Variants in CASZ1 observed in about 807,000 individuals in gnomAD.
The protein encoded by CASZ1 is zinc finger protein castor homolog 1.
A neutral mutation model predicts 135.2 loss-of-function variants in CASZ1; 28 were observed. The observed-to-expected ratio is 0.21, with a 90% confidence interval of 0.15 to 0.28. The LOEUF is 0.28. Among genes scored for constraint, CASZ1 ranks in the 10% least tolerant of loss-of-function variants. The pLI is 1.00. For synonymous variants in CASZ1, 1,068 were observed against 1,073.4 expected, an observed-to-expected ratio of 0.99 and a Z score of 0.10; for missense variants, 2,161 against 2,453.3, an observed-to-expected ratio of 0.88 and a Z score of 2.52.
rs114842270 is a variant in CASZ1, at chr1:10,773,898, G to A, written c.-233-13041C>T. Among the ~76,000 whole-genome samples, 1,050 of 152,354 alleles carry A rather than the reference G, an allele frequency of 6.9e-3. 7 individuals carry two copies. The highest frequency in any genetic ancestry group is 0.024 in the African/African-American group (1,000 of 41,580). Reference sequence around the variant, plus strand: ...GCCGCAGGGTGGGAGCAGCCCTGTCGCTGCTCAGAGGGGCCTCACCTCTCC... The same window carrying A: ...GCCGCAGGGTGGGAGCAGCCCTGTCACTGCTCAGAGGGGCCTCACCTCTCC... On this transcript the variant is annotated intron_variant, in intron 1 of 20. Transcript: ENST00000377022.
rs933489888 is a variant in CASZ1, at chr1:10,774,890, C to T, written c.-233-14033G>A. Among the ~76,000 whole-genome samples, 1 of 152,172 alleles carries T rather than the reference C, an allele frequency of 6.6e-6. No homozygotes were observed. Among genetic ancestry groups the T allele is most frequent in the Non-Finnish European group, 1.5e-5 (1 of 68,028 alleles). Reference sequence around the variant, plus strand: ...CGTGTCTCCTGCAACCATCTCTGTTCCAGCTTCTCTTCCAGACTCCTCCAG... The same window carrying T: ...CGTGTCTCCTGCAACCATCTCTGTTTCAGCTTCTCTTCCAGACTCCTCCAG... On this transcript the variant is annotated intron_variant, in intron 1 of 20. Transcript: ENST00000377022. The surrounding 1 kb of genome is among the most constrained non-coding windows in gnomAD (Gnocchi z 4.4).
At chr1:10,783,888 A>AAC (rs1640808531) in intron 1 of CASZ1, among the ~76,000 whole-genome samples, 2 of 151,694 alleles carry the variant, frequency 1.3e-5, no homozygotes, top group East Asian at 3.9e-4. Flanking sequence ...AAAAAAAAAA[A>AAC]AAAAACCTAC....
At chr1:10,714,838 C>T (rs1639348728) in intron 2 of CASZ1, among the ~76,000 whole-genome samples, 1 of 152,208 alleles carries the variant, frequency 6.6e-6, no homozygotes, top group Admixed American at 6.5e-5. Flanking sequence ...CCCTCTGCCC[C>T]TTCCCTGGCC....
chr1:10,694,882 G>A lies in CASZ1; in HGVS notation c.-23-970C>T, dbSNP rs1487394728. Among the ~76,000 whole-genome samples, 3 of 143,598 alleles carry A rather than the reference G, an allele frequency of 2.1e-5. No homozygotes were observed. Among genetic ancestry groups the A allele is most frequent in the Admixed American group, 6.9e-5 (1 of 14,598 alleles). 94.2% of individuals were successfully genotyped at this position (143,598 alleles called of 152,430 possible). On this transcript the variant is annotated intron_variant, in intron 3 of 20. Transcript: ENST00000377022. The surrounding 1 kb of genome is among the most constrained non-coding windows in gnomAD (Gnocchi z 6.6). Reference sequence around the variant, plus strand: ...CGCCCGCGGGCACGCGCCCACTCTTGCCGGCCGCCGGCGGCCGCGCGCGCG... The same window carrying A: ...CGCCCGCGGGCACGCGCCCACTCTTACCGGCCGCCGGCGGCCGCGCGCGCG...
intron 1 of CASZ1, among the ~76,000 whole-genome samples, chr1:10,781,776 G>GTCATTTCATCTAATCCTCACAGCAA (rs1640766756): frequency 6.6e-6 from 1 of 152,152 alleles, no homozygotes; most frequent in Non-Finnish European, 1.5e-5. Flanking sequence ...CCCTTCCAGC[G>GTCATTTCATCTAATCCTCACAGCAA]TCATTTCATC....
chr1:10,724,700 G>C lies in CASZ1; in HGVS notation c.-76-19156C>G, dbSNP rs1410761554. Among the ~76,000 whole-genome samples, 2 of 152,344 alleles carry C rather than the reference G, an allele frequency of 1.3e-5. No homozygotes were observed. The highest frequency in any genetic ancestry group is 3.9e-4 in the East Asian group (2 of 5,172). Reference sequence around the variant, plus strand: ...CAAGGTTGCCCCTGGTCTTCGCTCAGAGGGGCACCCCAAGGGCACTGCCCA... The same window carrying C: ...CAAGGTTGCCCCTGGTCTTCGCTCACAGGGGCACCCCAAGGGCACTGCCCA... On this transcript the variant is annotated intron_variant, in intron 2 of 20. Coordinates refer to ENST00000377022, the MANE Select transcript of CASZ1 (RefSeq NM_001079843.3). The surrounding 1 kb of genome is among the most constrained non-coding windows in gnomAD (Gnocchi z 4.1).
At position 10,649,273 on chromosome 1, in the gene CASZ1, A is replaced by G. The variant is rs764672207; in HGVS notation, c.3035+10T>C. 6.2e-6 allele frequency: 10 copies of G among 1,601,682 alleles called. No homozygotes were observed. Among genetic ancestry groups the G allele is most frequent in the Middle Eastern group, 1.7e-4 (1 of 6,038 alleles). ...GGGACGATGGGTGGACGCGGCCAGC[A>G]GCCCCTCACCTGCGCAGGTACACCT... is the stretch of plus-strand genomic sequence containing the variant. On this transcript the variant is annotated intron_variant, in intron 14 of 20. Coordinates refer to ENST00000377022, the MANE Select transcript of CASZ1 (RefSeq NM_001079843.3).
rs369857320 is a variant in CASZ1, at chr1:10,706,188, C to T, written c.-76-644G>A. ...TCCAGAGACCGTGCAGGGAGAGGGA[C>T]GATGGTCAGACAACGTGGAGGCTTT... On this transcript the variant is annotated intron_variant, in intron 2 of 20. Coordinates refer to ENST00000377022, the MANE Select transcript of CASZ1 (RefSeq NM_001079843.3). The surrounding 1 kb of genome is among the most constrained non-coding windows in gnomAD (Gnocchi z 4.3). 1.8e-3 allele frequency among the ~76,000 whole-genome samples: 269 copies of T among 152,314 alleles called. 2 individuals carry two copies. The South Asian group carries it at 0.018, about 10-fold the overall frequency.
intron 5 of CASZ1, among the ~76,000 whole-genome samples, chr1:10,661,843 C>T (rs1643040170): frequency 1.3e-5 from 2 of 151,974 alleles, no homozygotes; most frequent in East Asian, 1.9e-4. Flanking sequence ...ACATACAACA[C>T]ACACATGCAT....
intron 4 of CASZ1, among the ~76,000 whole-genome samples, chr1:10,674,813 C>T (rs748794843): frequency 1.3e-5 from 2 of 152,220 alleles, no homozygotes; most frequent in African/African-American, 4.8e-5. Context: ...CTCCCATCCC[C>T]GCTAAAGCCA....
rs976961414 is a variant in CASZ1 at position 10,657,502 on chromosome 1, C to T, written c.1410-766G>A. 1.3e-5 allele frequency among the ~76,000 whole-genome samples: 2 copies of T among 152,166 alleles called. No homozygotes were observed. Among genetic ancestry groups the T allele is most frequent in the African/African-American group, 2.4e-5 (1 of 41,430 alleles). On this transcript the variant is annotated intron_variant, in intron 7 of 20. Transcript: ENST00000377022. The surrounding 1 kb of genome is among the most constrained non-coding windows in gnomAD (Gnocchi z 5.7). ...ACCCCATACTGTAATGGGAAAACCACGTGCAAACAAATATTTAGGCTGAAG... is the reference window on the plus strand; with the variant it reads ...ACCCCATACTGTAATGGGAAAACCATGTGCAAACAAATATTTAGGCTGAAG...
chr1:10,730,279 C>G (rs551908757), intron 2 of CASZ1, among the ~76,000 whole-genome samples: 26 of 151,784 alleles, frequency 1.7e-4, no homozygotes, highest in African/African-American at 6.3e-4. Context: ...GGTGATCTGC[C>G]CGCCTCGGCC....
chr1:10,765,457 G>A (rs1383187889), intron 1 of CASZ1, among the ~76,000 whole-genome samples: 3 of 151,806 alleles, frequency 2.0e-5, no homozygotes, highest in African/African-American at 7.3e-5. Flanking sequence ...GTTGTGGCAC[G>A]AAAGTGTTTT....
intron 4 of CASZ1, among the ~76,000 whole-genome samples, chr1:10,677,639 T>A (rs1484605801): frequency 6.6e-6 from 1 of 152,202 alleles, no homozygotes; most frequent in Non-Finnish European, 1.5e-5. Flanking sequence ...GCTGAGAAAC[T>A]TGGCAAAAGC....
Position 10,706,264 on chromosome 1 carries a change from G to A in CASZ1, c.-76-720C>T, listed in dbSNP as rs1399013006. Among the ~76,000 whole-genome samples, 1 of 152,208 alleles carries A rather than the reference G, an allele frequency of 6.6e-6. No individual in the cohort carries two copies. Among genetic ancestry groups the A allele is most frequent in the Non-Finnish European group, 1.5e-5 (1 of 68,028 alleles). ...TGCCAGGCTGGGGCCCTCCTGCCCA[G>A]ATAATGAGTTTGGGGAGCCAGGTTC... On this transcript the variant is annotated intron_variant, in intron 2 of 20. Transcript: ENST00000377022. This position sits in a 1 kb window ranked among gnomAD's most constrained non-coding sequence, Gnocchi z 4.3.
In CASZ1 at chr1:10,694,770, T is replaced by C. The variant is rs1198136798; in HGVS notation, c.-23-858A>G. On this transcript the variant is annotated intron_variant, in intron 3 of 20. Coordinates refer to ENST00000377022, the MANE Select transcript of CASZ1 (RefSeq NM_001079843.3). This position sits in a 1 kb window ranked among gnomAD's most constrained non-coding sequence, Gnocchi z 6.6. ...TTGGCTCTGCGATTCCCCAAACCTC[T>C]GGCTCCGGGAGGAGGAGGCGGGGAC... Among the ~76,000 whole-genome samples the C allele has an allele frequency of 1.4e-5, 2 of 143,712 alleles. No individual in the cohort carries two copies. The highest frequency in any genetic ancestry group is 2.1e-4 in the East Asian group (1 of 4,816). The allele number at this position is 143,712 out of a possible 152,430, so 94.3% of individuals were successfully genotyped here. A position where few individuals can be genotyped will look rare whatever the true frequency, so the allele number is the denominator to read the frequency against.
At chr1:10,761,334 C>G (rs1403868751) in intron 1 of CASZ1, among the ~76,000 whole-genome samples, 1 of 152,244 alleles carries the variant, frequency 6.6e-6, no homozygotes, top group Non-Finnish European at 1.5e-5. Context: ...AGCTGCTCCC[C>G]TGACCCCTGG....
At chr1:10,770,375 G>C (rs766736997) in intron 1 of CASZ1, among the ~76,000 whole-genome samples, 1 of 152,216 alleles carries the variant, frequency 6.6e-6, no homozygotes, top group African/African-American at 2.4e-5. Context: ...GTGAGCTGTC[G>C]AACCTGGCCT....
At position 10,719,047 on chromosome 1, in the gene CASZ1, G is replaced by A. The variant is rs1639447089; in HGVS notation, c.-76-13503C>T. ...TGTGCCTCAGCCTCCCGAGTAACTG[G>A]GATTACAGGCACTCGCCACCACACC... is the stretch of plus-strand genomic sequence containing the variant. On this transcript the variant is annotated intron_variant, in intron 2 of 20. Coordinates refer to ENST00000377022, the MANE Select transcript of CASZ1 (RefSeq NM_001079843.3). The surrounding 1 kb of genome is among the most constrained non-coding windows in gnomAD (Gnocchi z 4.0). 6.6e-6 allele frequency among the ~76,000 whole-genome samples: 1 copy of A among 151,974 alleles called. No individual in the cohort carries two copies. The highest frequency in any genetic ancestry group is 2.4e-5 in the African/African-American group (1 of 41,362).
Sources: gnomAD v4.1 joint callset for allele counts (sites outside exome capture counted in the v4.1 genomes callset) on GRCh38, gnomAD v4.1.1 for gene constraint, Gnocchi (gnomAD v3.1) non-coding constraint, MANE v1.5 for transcripts, NCBI Gene and HGNC (gene_info 2026-07-23, HGNC 2026-07-21) for gene names.